The following PDGFRB variants were observed in gnomAD, a reference collection of about 807,000 sequenced individuals.
PDGFRB encodes the protein platelet-derived growth factor receptor beta.
In PDGFRB, 42 loss-of-function variants were observed where a neutral mutation model predicts 120.2. That is an observed-to-expected ratio of 0.35 (90% confidence interval 0.27 to 0.45). PDGFRB has a LOEUF of 0.45. PDGFRB is among the 20% of genes least tolerant of loss of function. The pLI is 1.00. For missense variants in PDGFRB, 1,149 were observed against 1,476.3 expected (o/e 0.78, Z 3.63); for synonymous variants, 586 against 606.8 (o/e 0.97, Z 0.50).
intron 1 of PDGFRB, among the ~76,000 whole-genome samples, chr5:150,153,056 G>T (rs143197554): frequency 2.0e-5 from 3 of 152,220 alleles, no homozygotes; most frequent in Non-Finnish European, 4.4e-5. Flanking sequence ...CTGCCTCCCA[G>T]CTGCGGAAGG....
In PDGFRB at chr5:150,117,763, G is replaced by A. The variant is rs2113884069; in HGVS notation, c.2992C>T (p.Leu998Phe). 6.2e-7 allele frequency: 1 copy of A among 1,613,414 alleles called. No homozygotes were observed. Among genetic ancestry groups the A allele is most frequent in the Non-Finnish European group, 8.5e-7 (1 of 1,179,438 alleles). Reference protein sequence around the residue: ...SQARLPGFHGLRSPLDTSSVL... With the variant: ...SQARLPGFHGFRSPLDTSSVL... ...GAGCTGGTGTCCAGGGGAGATCGGA[G>A]GCCATGGAACCCAGGCAAGCGGGCC... is the stretch of plus-strand genomic sequence containing the variant. The change falls in exon 22 of 23, where the codon CTC (leucine) becomes TTC (phenylalanine). Residue 998 changes from leucine to phenylalanine, a missense_variant. Physicochemically the swap from Leu to Phe is conservative, Grantham distance 22 (BLOSUM62 0). Around this residue, in one of 3 missense-constraint regions of PDGFRB, gnomAD observed 202 missense variants for 214.3 expected, o/e 0.94. Coordinates refer to ENST00000261799, the MANE Select transcript of PDGFRB (RefSeq NM_002609.4).
chr5:150,124,006 C>T (rs56068716), intron 14 of PDGFRB, among the ~76,000 whole-genome samples: 2 of 152,356 alleles, frequency 1.3e-5, no homozygotes, highest in Non-Finnish European at 2.9e-5. Context: ...TCAGCCAACA[C>T]CATGGTCTGG....
chr5:150,154,916 T>G (rs1285855661), intron 1 of PDGFRB, among the ~76,000 whole-genome samples: 1 of 152,190 alleles, frequency 6.6e-6, no homozygotes. Flanking sequence ...TCCATTTAAA[T>G]CCCCAGAGGT....
Position 150,115,802 on chromosome 5 carries a change from G to C in PDGFRB, c.3282C>G (p.Cys1094Trp). Reference protein sequence around the residue: ...PELEQLPDSGCPAPRAEAEDS... With the variant: ...PELEQLPDSGWPAPRAEAEDS... ...CCTCTGCTTCCGCCCGAGGCGCAGG[G>C]CACCCCGAATCCGGCAACTGTTCCA... Residue 1094 changes from cysteine (C) to tryptophan (W), a missense_variant, in exon 23 of 23, where the codon TGC becomes TGG. Physicochemically the swap from Cys to Trp is radical, Grantham distance 215. This residue lies in a region of PDGFRB where 202 missense variants were observed against 214.3 expected (regional missense o/e 0.94). Transcript: ENST00000261799. 6.2e-7 allele frequency: 1 copy of C among 1,612,032 alleles called. No individual in the cohort carries two copies. Among genetic ancestry groups the C allele is most frequent in the Non-Finnish European group, 8.5e-7 (1 of 1,179,170 alleles).
chr5:150,123,201 C>A lies in PDGFRB; in HGVS notation c.2024G>T (p.Gly675Val). The A allele has an allele frequency of 6.2e-7, 1 of 1,612,504 alleles. No individual in the cohort carries two copies. The highest frequency in any genetic ancestry group is 8.5e-7 in the Non-Finnish European group (1 of 1,179,426). The change falls in exon 15 of 23, where the codon GGA becomes GTA. Residue 675 changes from glycine to valine, a missense_variant and splice_region_variant. Gly to Val is a moderately radical substitution (Grantham distance 109). Around this residue, in one of 3 missense-constraint regions of PDGFRB, gnomAD observed 879 missense variants for 1,108.6 expected, o/e 0.79. Transcript: ENST00000261799. Reference protein sequence around the residue: ...VNLLGACTKGGPIYIITEYCR... With the variant: ...VNLLGACTKGVPIYIITEYCR... ...GTACTCAGTGATGATATAGATGGGT[C>A]CTGCAGAGGGACAGGCTCAGGGACA...
At chr5:150,129,686 G>T in intron 10 of PDGFRB, 71 bp downstream of exon 10, 1 of 1,296,968 alleles carries the variant, frequency 7.7e-7, no homozygotes, top group Non-Finnish European at 1.1e-6. Flanking sequence ...GGGTACATGG[G>T]CACATTACCA....
In PDGFRB at chr5:150,119,560, G is replaced by A. The variant is rs200865355; in HGVS notation, c.2705C>T (p.Thr902Ile). Residue 902 changes from threonine to isoleucine, a missense_variant, in exon 20 of 23, where the codon ACC (threonine) becomes ATC (isoleucine). By Grantham distance (89) the Thr-to-Ile change is moderately conservative. Transcript: ENST00000261799. ...LLWEIFTLGG[T>I]PYPELPMNEQ... ...GTTCATGGGCAGCTCTGGGTAAGGG[G>A]TGCCACCTGTTGGGGAGCAGAGACA... is the stretch of plus-strand genomic sequence containing the variant. The A allele has an allele frequency of 7.0e-5, 112 of 1,601,990 alleles. No homozygotes were observed. Among genetic ancestry groups the A allele is most frequent in the Non-Finnish European group, 8.4e-5 (98 of 1,168,978 alleles).
At position 150,132,947 on chromosome 5, in the gene PDGFRB, A is replaced by G. The variant is rs1227026444; in HGVS notation, c.935-5T>C. On this transcript the variant is annotated splice_polypyrimidine_tract_variant and splice_region_variant and intron_variant, in intron 6 of 22. Transcript: ENST00000261799. The surrounding 1 kb of genome is among the most constrained non-coding windows in gnomAD (Gnocchi z 5.0). ...GGAGCCGCACGTAGCCGCTCTCTGCAAGGGGTGACCGTCAGGGGCGGGGCC... is the reference window on the plus strand; with the variant it reads ...GGAGCCGCACGTAGCCGCTCTCTGCGAGGGGTGACCGTCAGGGGCGGGGCC... 3 of 1,551,062 alleles carry G rather than the reference A, an allele frequency of 1.9e-6. No individual in the cohort carries two copies. Among genetic ancestry groups the G allele is most frequent in the Admixed American group, 1.9e-5 (1 of 51,410 alleles).
chr5:150,137,034 C>G lies in PDGFRB; in HGVS notation c.14G>C (p.Gly5Ala), dbSNP rs1431198340. The G allele has an allele frequency of 6.2e-7, 1 of 1,613,742 alleles. No homozygotes were observed. Among genetic ancestry groups the G allele is most frequent in the South Asian group, 1.1e-5 (1 of 90,998 alleles). ...TTTGAGGGCCAGAGCTGGCATCGCA[C>G]CCGGAAGCCGCATGGTGTCCTGCAG... is the stretch of plus-strand genomic sequence containing the variant. MRLP[G>A]AMPALALKGE... The change falls in exon 2 of 23, where the codon GGT becomes GCT. Residue 5 changes from glycine (G) to alanine (A), a missense_variant. By Grantham distance (60) the Gly-to-Ala change is moderately conservative. This residue lies in a region of PDGFRB where 879 missense variants were observed against 1,108.6 expected (regional missense o/e 0.79). Transcript: ENST00000261799.
intron 2 of PDGFRB, among the ~76,000 whole-genome samples, chr5:150,136,367 T>C (rs1295688662): frequency 9.2e-5 from 14 of 152,054 alleles, no homozygotes; most frequent in Admixed American, 9.2e-4. Context: ...TGAGGCCCTT[T>C]TGGGCTGGAG....
In PDGFRB at chr5:150,140,703, G is replaced by A. The variant is rs142782958; in HGVS notation, c.-6-3650C>T. On this transcript the variant is annotated intron_variant, in intron 1 of 22. Transcript: ENST00000261799. ...ACCCCAAGTCCAGGGGAGCAGACTG[G>A]GAACTCCAAGTCAAAAGGAAGCAGA... 4.0e-3 allele frequency among the ~76,000 whole-genome samples: 605 copies of A among 151,514 alleles called. 7 individuals are homozygous for A. The highest frequency in any genetic ancestry group is 9.9e-3 in the African/African-American group (410 of 41,266).
intron 6 of PDGFRB, 60 bp from the exon 7 acceptor site, chr5:150,133,002 A>C: frequency 1.6e-6 from 2 of 1,238,750 alleles, no homozygotes; most frequent in South Asian, 2.8e-5. Context: ...TGAATCCCAA[A>C]GGAGGCCAGC....
chr5:150,136,440 A>T (rs917295183), intron 2 of PDGFRB, among the ~76,000 whole-genome samples: 1 of 152,068 alleles, frequency 6.6e-6, no homozygotes, highest in African/African-American at 2.4e-5. Context: ...CATCCCCTGG[A>T]GAAGGATTTT....
chr5:150,121,337 G>A lies in PDGFRB; in HGVS notation c.2345-15C>T, dbSNP rs752603036. Reference sequence around the variant, plus strand: ...CCTCTCAGGGGCTAGAGGAGAAGCAGAGGGTCACCTGCTATCTTATATCTC... The same window carrying A: ...CCTCTCAGGGGCTAGAGGAGAAGCAAAGGGTCACCTGCTATCTTATATCTC... On this transcript the variant is annotated splice_polypyrimidine_tract_variant and intron_variant, in intron 16 of 22. Coordinates refer to ENST00000261799, the MANE Select transcript of PDGFRB (RefSeq NM_002609.4). This position sits in a 1 kb window ranked among gnomAD's most constrained non-coding sequence, Gnocchi z 4.1. 1.8e-6 allele frequency: 2 copies of A among 1,124,228 alleles called. No homozygotes were observed. Among genetic ancestry groups the A allele is most frequent in the South Asian group, 1.2e-5 (1 of 81,318 alleles). 69.6% of individuals were successfully genotyped at this position (1,124,228 alleles called of 1,614,324 possible). A position where few individuals can be genotyped will look rare whatever the true frequency, so the allele number is the denominator to read the frequency against.
At position 150,132,700 on chromosome 5, in the gene PDGFRB, C is replaced by G. The variant is rs2113906619; in HGVS notation, c.1127+50G>C. 6.4e-7 allele frequency: 1 copy of G among 1,555,982 alleles called. No homozygotes were observed. Among genetic ancestry groups the G allele is most frequent in the Non-Finnish European group, 8.7e-7 (1 of 1,144,300 alleles). On this transcript the variant is annotated intron_variant, in intron 7 of 22. Coordinates refer to ENST00000261799, the MANE Select transcript of PDGFRB (RefSeq NM_002609.4). This position sits in a 1 kb window ranked among gnomAD's most constrained non-coding sequence, Gnocchi z 5.0. Reference sequence around the variant, plus strand: ...CTGAAAGCCGAGGGCTGCCTGGCGGCTGCAAAGAAAAATAACTTCAAGAAT... The same window carrying G: ...CTGAAAGCCGAGGGCTGCCTGGCGGGTGCAAAGAAAAATAACTTCAAGAAT...
rs2113884209 is a variant in PDGFRB, at chr5:150,117,791, G to A, written c.2964C>T (p.Ser988=). ...CATGGAACCCAGGCAAGCGGGCCTG[G>A]GACCGAAGGATGGCTGGGTGGTCAC... ...LRSDHPAILR[S]QARLPGFHGL... The change falls in exon 22 of 23, where the codon TCC becomes TCT. Residue 988 remains serine (S), a synonymous_variant. Coordinates refer to ENST00000261799, the MANE Select transcript of PDGFRB (RefSeq NM_002609.4). 6.2e-7 allele frequency: 1 copy of A among 1,613,912 alleles called. No homozygotes were observed. Among genetic ancestry groups the A allele is most frequent in the Non-Finnish European group, 8.5e-7 (1 of 1,179,866 alleles).
At chr5:150,131,027 T>C (rs1027511352) in intron 8 of PDGFRB, among the ~76,000 whole-genome samples, 10 of 152,234 alleles carry the variant, frequency 6.6e-5, no homozygotes, top group African/African-American at 2.4e-4. Flanking sequence ...TTTATATTTA[T>C]GACATGTGAT....
chr5:150,127,987 T>C (rs1177271164), intron 10 of PDGFRB, among the ~76,000 whole-genome samples: 2 of 151,928 alleles, frequency 1.3e-5, no homozygotes, highest in Admixed American at 6.6e-5. Flanking sequence ...CCTTATCCAT[T>C]CTCCCTTACC....
At chr5:150,153,140 G>A (rs937340850) in intron 1 of PDGFRB, among the ~76,000 whole-genome samples, 4 of 152,192 alleles carry the variant, frequency 2.6e-5, no homozygotes, top group African/African-American at 9.7e-5. Context: ...GCAAGCACTG[G>A]GTCTCCTGAC....
Sources: allele counts gnomAD v4.1 joint callset (sites outside exome capture counted in the v4.1 genomes callset), GRCh38; gene constraint gnomAD v4.1.1; regional missense constraint gnomAD v4.1.1; non-coding constraint Gnocchi (gnomAD v3.1); transcripts MANE v1.5; gene names NCBI Gene and HGNC (gene_info 2026-07-23, HGNC 2026-07-21).